ROBO1: variants seen among roughly 807,000 people sequenced by gnomAD.
ROBO1 encodes roundabout guidance receptor 1.
In ROBO1, 149 loss-of-function variants were observed where a neutral mutation model predicts 195.9. That is an observed-to-expected ratio of 0.76 (90% CI 0.67 to 0.87). The LOEUF (loss-of-function observed/expected upper bound fraction) is 0.87. Ranked by LOEUF, ROBO1 falls within the 40% of genes least tolerant of loss-of-function variation. ROBO1 has a pLI of 0.00. For synonymous variants in ROBO1, 816 were observed against 733.2 expected (o/e 1.11, Z -1.82); for missense variants, 1,933 against 2,068.3 (o/e 0.93, Z 1.27).
At chr3:79,410,564 T>A (rs1458057663) in intron 2 of ROBO1, among the ~76,000 whole-genome samples, 5 of 139,024 alleles carry the variant, frequency 3.6e-5, no homozygotes, top group Non-Finnish European at 6.2e-5. Context: ...TTCTGAATCA[T>A]AAGGAGAAAA....
intron 3 of ROBO1, among the ~76,000 whole-genome samples, chr3:79,033,977 C>G (rs11927022): frequency 0.014 from 2,085 of 152,060 alleles, 51 homozygotes; most frequent in African/African-American, 0.046. Context: ...GCTTCCCTGC[C>G]AAAACAACTG....
intron 4 of ROBO1, among the ~76,000 whole-genome samples, chr3:78,757,242 T>A (rs200504935): frequency 6.6e-6 from 1 of 152,184 alleles, no homozygotes; most frequent in South Asian, 2.1e-4. Flanking sequence ...CCACTCCCAC[T>A]CGCAATTGCA....
intron 10 of ROBO1, among the ~76,000 whole-genome samples, chr3:78,670,937 T>C (rs181333203): frequency 6.6e-6 from 1 of 152,298 alleles, no homozygotes; most frequent in Admixed American, 6.5e-5. Context: ...ATTGGAAAAT[T>C]GCCCAAATAC....
intron 1 of ROBO1, among the ~76,000 whole-genome samples, chr3:79,622,450 G>C (rs1310352296): frequency 6.6e-6 from 1 of 152,218 alleles, no homozygotes; most frequent in Non-Finnish European, 1.5e-5. Flanking sequence ...GTCAGGGAAA[G>C]TGCAGCATCC....
At chr3:78,794,346 G>A (rs2084118879) in intron 4 of ROBO1, among the ~76,000 whole-genome samples, 1 of 152,130 alleles carries the variant, frequency 6.6e-6, no homozygotes, top group Non-Finnish European at 1.5e-5. Context: ...TCAATGCATA[G>A]TAACACTATA....
chr3:79,069,724 TA>T (rs1239611650), intron 3 of ROBO1, among the ~76,000 whole-genome samples: 4 of 151,928 alleles, frequency 2.6e-5, no homozygotes, highest in African/African-American at 9.7e-5. Context: ...ACTTAGTAGT[TA>T]ATTTGGCTAA....
intron 2 of ROBO1, among the ~76,000 whole-genome samples, chr3:79,479,244 G>T (rs1329943920): frequency 6.6e-6 from 1 of 152,146 alleles, no homozygotes; most frequent in South Asian, 2.1e-4. Flanking sequence ...TTTTTTCCAC[G>T]GATGGGGTGA....
At chr3:78,730,194 T>A (rs572248515) in intron 5 of ROBO1, among the ~76,000 whole-genome samples, 1 of 152,346 alleles carries the variant, frequency 6.6e-6, no homozygotes, top group East Asian at 1.9e-4. Context: ...TTGCCAACAG[T>A]AAATCCCTTT....
At chr3:79,305,537 T>G (rs1406353774) in intron 2 of ROBO1, among the ~76,000 whole-genome samples, 1 of 151,570 alleles carries the variant, frequency 6.6e-6, no homozygotes, top group Non-Finnish European at 1.5e-5. Context: ...GTCTTACTTT[T>G]GAAAAAATCA....
intron 2 of ROBO1, among the ~76,000 whole-genome samples, chr3:79,143,358 A>G (rs2080571410): frequency 6.6e-6 from 1 of 152,096 alleles, no homozygotes; most frequent in Non-Finnish European, 1.5e-5. Context: ...CTAATTATAC[A>G]TAATTCTGGC....
chr3:79,482,136 C>T (rs1938898141), intron 2 of ROBO1, among the ~76,000 whole-genome samples: 1 of 152,110 alleles, frequency 6.6e-6, no homozygotes, highest in Non-Finnish European at 1.5e-5. Flanking sequence ...AATATTGATT[C>T]CATCAGTATG....
chr3:79,376,533 A>G (rs1338188104), intron 2 of ROBO1, among the ~76,000 whole-genome samples: 1 of 152,146 alleles, frequency 6.6e-6, no homozygotes, highest in Non-Finnish European at 1.5e-5. Flanking sequence ...TCATGGGGGC[A>G]GGTCTTCCCT....
intron 1 of ROBO1, among the ~76,000 whole-genome samples, chr3:79,657,531 A>T (rs1946203774): frequency 6.6e-6 from 1 of 152,110 alleles, no homozygotes; most frequent in South Asian, 2.1e-4. Context: ...AGTTTCATTT[A>T]CTATGGGAAA....
chr3:79,409,094 A>C (rs2037667297), intron 2 of ROBO1, among the ~76,000 whole-genome samples: 1 of 152,150 alleles, frequency 6.6e-6, no homozygotes, highest in Non-Finnish European at 1.5e-5. Flanking sequence ...TTGAATAAAC[A>C]TGAGAATAAA....
At chr3:79,050,912 G>C (rs113345813) in intron 3 of ROBO1, among the ~76,000 whole-genome samples, 164 of 152,244 alleles carry the variant, frequency 1.1e-3, no homozygotes, top group African/African-American at 3.5e-3. Context: ...TGAAAGCAGC[G>C]TGTAGAGGGA....
chr3:78,876,723 C>A (rs563853167), intron 4 of ROBO1, among the ~76,000 whole-genome samples: 3 of 152,140 alleles, frequency 2.0e-5, no homozygotes, highest in Non-Finnish European at 2.9e-5. Context: ...TGGTAAAGAA[C>A]GTACTGTGGA....
At chr3:79,385,441 T>G (rs886330827) in intron 2 of ROBO1, among the ~76,000 whole-genome samples, 1 of 152,058 alleles carries the variant, frequency 6.6e-6, no homozygotes, top group African/African-American at 2.4e-5. Context: ...CTAAACAGGA[T>G]TTTTAAAAAT....
At chr3:78,613,038 A>T in intron 28 of ROBO1, among the ~76,000 whole-genome samples, 1 of 152,208 alleles carries the variant, frequency 6.6e-6, no homozygotes, top group East Asian at 1.9e-4. Flanking sequence ...TGAAACAAGT[A>T]CTACGGAACG....
intron 2 of ROBO1, among the ~76,000 whole-genome samples, chr3:79,510,194 G>A (rs1394464519): frequency 6.6e-6 from 1 of 152,148 alleles, no homozygotes; most frequent in Admixed American, 6.5e-5. Flanking sequence ...CACGTCATGG[G>A]AGGCACCGGA....
Sources: gnomAD v4.1 joint callset for allele counts (sites outside exome capture counted in the v4.1 genomes callset) on GRCh38, gnomAD v4.1.1 for gene constraint, MANE v1.5 for transcripts, NCBI Gene and HGNC (gene_info 2026-07-23, HGNC 2026-07-21) for gene names.